Variants in NELL1 observed in about 807,000 individuals in gnomAD.
The protein encoded by NELL1 is neural EGFL like 1.
NELL1 carries 76 observed loss-of-function variants against 107.4 expected under a neutral mutation model. That is an observed-to-expected ratio of 0.71 (90% CI 0.59 to 0.86). NELL1 has a LOEUF of 0.86. Ranked by LOEUF, NELL1 falls within the 40% of genes least tolerant of loss-of-function variation. The probability of loss-of-function intolerance (pLI) is 0.00; values close to 1 mark genes in which losing one functional copy is unlikely to be tolerated. For missense variants in NELL1, 1,024 were observed against 1,005.5 expected (o/e 1.02, Z -0.25); for synonymous variants, 353 against 341.2 (o/e 1.03, Z -0.38).
At chr11:20,896,899 A>C (rs1191279520) in intron 5 of NELL1, among the ~76,000 whole-genome samples, 3 of 152,184 alleles carry the variant, frequency 2.0e-5, no homozygotes, top group Non-Finnish European at 4.4e-5. Flanking sequence ...ACCACTGCTC[A>C]ATGAAATAAA....
intron 15 of NELL1, among the ~76,000 whole-genome samples, chr11:21,372,904 G>T (rs1484435783): frequency 2.6e-5 from 4 of 152,002 alleles, no homozygotes; most frequent in Non-Finnish European, 5.9e-5. Context: ...GAGTAAGTGG[G>T]TGATTGCATC....
intron 12 of NELL1, among the ~76,000 whole-genome samples, chr11:21,065,020 A>G (rs1051177718): frequency 3.3e-4 from 50 of 152,312 alleles, no homozygotes; most frequent in African/African-American, 1.1e-3. Context: ...ATACAGTGGT[A>G]CATTGTGTAG....
chr11:20,778,199 C>T (rs948589817), intron 2 of NELL1, among the ~76,000 whole-genome samples: 4 of 152,180 alleles, frequency 2.6e-5, no homozygotes, highest in Admixed American at 6.5e-5. Context: ...CTATGGGCCT[C>T]CTCTGTTTTT....
chr11:21,025,691 A>G (rs1320602038), intron 12 of NELL1, among the ~76,000 whole-genome samples: 1 of 152,062 alleles, frequency 6.6e-6, no homozygotes, highest in Non-Finnish European at 1.5e-5. Flanking sequence ...GTGGTTTTAG[A>G]TAGCATCTAT....
rs35689054 is a variant in NELL1, at chr11:21,203,430, C to CTT, written c.1427-25884_1427-25883dup. Among the ~76,000 whole-genome samples the CTT allele has an allele frequency of 7.6e-4, 77 of 101,260 alleles. 2 individuals are homozygous for CTT. Among genetic ancestry groups the CTT allele is most frequent in the African/African-American group, 2.9e-3 (74 of 25,702 alleles). 66.4% of individuals were successfully genotyped at this position (101,260 alleles called of 152,430 possible). A position where few individuals can be genotyped will look rare whatever the true frequency, so the allele number is the denominator to read the frequency against. On this transcript the variant is annotated intron_variant, in intron 13 of 19. Coordinates refer to ENST00000357134, the MANE Select transcript of NELL1 (RefSeq NM_006157.5). Reference sequence around the variant, plus strand: ...TATCCGTCTAGAATTGCAACCCTTGCTTTTTTTTTTTTTTTTTTTGGCTTT... The same window carrying CTT: ...TATCCGTCTAGAATTGCAACCCTTGCTTTTTTTTTTTTTTTTTTTTTGGCTTT...
intron 15 of NELL1, among the ~76,000 whole-genome samples, chr11:21,531,991 C>T (rs1856001919): frequency 2.0e-5 from 3 of 152,096 alleles, no homozygotes; most frequent in Admixed American, 1.3e-4. Flanking sequence ...AAACGTGAGC[C>T]CCTCTCAAGT....
chr11:21,300,031 A>T (rs1472545868), intron 14 of NELL1, among the ~76,000 whole-genome samples: 2 of 152,008 alleles, frequency 1.3e-5, no homozygotes, highest in Non-Finnish European at 2.9e-5. Flanking sequence ...ATGATCACGT[A>T]AACACACAAA....
At chr11:20,988,830 G>A (rs760005199) in intron 12 of NELL1, among the ~76,000 whole-genome samples, 40 of 151,854 alleles carry the variant, frequency 2.6e-4, no homozygotes, top group Admixed American at 1.4e-3. Context: ...CTCGTGATCC[G>A]CCTTGCCTCA....
intron 1 of NELL1, among the ~76,000 whole-genome samples, chr11:20,676,963 C>T (rs1031436950): frequency 5.9e-5 from 9 of 152,144 alleles, no homozygotes; most frequent in African/African-American, 1.9e-4. Flanking sequence ...CTTATTAATA[C>T]ATATAGTTGG....
chr11:21,327,637 G>A lies in NELL1; in HGVS notation c.1550-43216G>A, dbSNP rs1045680823. ...TACCCAAAAATGTGGAAGTGACTTTGGAACTGGGTAACAGGAAGGGGTTGG... is the reference window on the plus strand; with the variant it reads ...TACCCAAAAATGTGGAAGTGACTTTAGAACTGGGTAACAGGAAGGGGTTGG... On this transcript the variant is annotated intron_variant, in intron 14 of 19. Transcript: ENST00000357134. Among the ~76,000 whole-genome samples the A allele has an allele frequency of 5.9e-5, 9 of 152,164 alleles. No homozygotes were observed. In the East Asian group the frequency reaches 1.5e-3, roughly 26 times the overall value.
intron 3 of NELL1, among the ~76,000 whole-genome samples, chr11:20,786,478 C>A (rs569735865): frequency 6.6e-5 from 10 of 151,944 alleles, no homozygotes; most frequent in African/African-American, 2.4e-4. Context: ...TCACACAGCA[C>A]CAAAGTATAT....
At chr11:21,098,693 A>C (rs1854716770) in intron 12 of NELL1, among the ~76,000 whole-genome samples, 1 of 152,160 alleles carries the variant, frequency 6.6e-6, no homozygotes, top group South Asian at 2.1e-4. Flanking sequence ...AGGAAGAAGA[A>C]GCTGTCATTG....
chr11:21,259,951 A>C (rs188581381), intron 14 of NELL1: 25 of 152,034 alleles, frequency 1.6e-4, no homozygotes, highest in African/African-American at 5.8e-4. Flanking sequence ...CAAAATTACC[A>C]CCAAATATTT....
At chr11:21,351,621 G>A (rs1850818010) in intron 14 of NELL1, among the ~76,000 whole-genome samples, 1 of 151,968 alleles carries the variant, frequency 6.6e-6, no homozygotes, top group African/African-American at 2.4e-5. Context: ...ACAAAGATCT[G>A]ATCTCTACTA....
At chr11:20,967,684 C>A (rs1284397073) in intron 12 of NELL1, among the ~76,000 whole-genome samples, 2 of 152,176 alleles carry the variant, frequency 1.3e-5, no homozygotes, top group Non-Finnish European at 2.9e-5. Flanking sequence ...CTAGACCAAG[C>A]TTCCTTTATC....
intron 2 of NELL1, among the ~76,000 whole-genome samples, chr11:20,706,443 T>C (rs182506217): frequency 2.5e-4 from 37 of 149,574 alleles, no homozygotes; most frequent in African/African-American, 8.4e-4. Context: ...CCGCATGTTT[T>C]TACTCAGAGG....
intron 5 of NELL1, among the ~76,000 whole-genome samples, chr11:20,914,705 ATTT>A (rs1328387474): frequency 6.6e-6 from 1 of 151,948 alleles, no homozygotes; most frequent in African/African-American, 2.4e-5. Flanking sequence ...TTAGAACTTT[ATTT>A]TTGGTTTTCA....
At chr11:21,393,211 A>T (rs976731770) in intron 15 of NELL1, among the ~76,000 whole-genome samples, 1 of 151,662 alleles carries the variant, frequency 6.6e-6, no homozygotes, top group African/African-American at 2.4e-5. Flanking sequence ...CTTATTTAAC[A>T]ACTTCATTAA....
chr11:21,063,283 G>C (rs1446705891), intron 12 of NELL1, among the ~76,000 whole-genome samples: 1 of 152,102 alleles, frequency 6.6e-6, no homozygotes, highest in Non-Finnish European at 1.5e-5. Flanking sequence ...CAACCTCCTG[G>C]CACACTGAGG....
Sources: gnomAD v4.1 joint callset for allele counts (sites outside exome capture counted in the v4.1 genomes callset) on GRCh38, gnomAD v4.1.1 for gene constraint, MANE v1.5 for transcripts, NCBI Gene and HGNC (gene_info 2026-07-23, HGNC 2026-07-21) for gene names.